Variants in GPT2 observed in about 807,000 individuals in gnomAD.
The protein encoded by GPT2 is alanine aminotransferase 2.
A neutral mutation model predicts 56.9 loss-of-function variants in GPT2; 30 were observed. The ratio of observed to expected loss-of-function variants is 0.53; its 90% CI spans 0.39 to 0.72. GPT2 has a LOEUF of 0.72. Ranked by LOEUF, GPT2 falls within the 30% of genes least tolerant of loss-of-function variation. The pLI is 0.00. For synonymous variants in GPT2, 271 were observed against 283.1 expected, an observed-to-expected ratio of 0.96 and a Z score of 0.43; for missense variants, 542 against 703.4, an observed-to-expected ratio of 0.77 and a Z score of 2.60.
At chr16:46,920,126 G>A (rs1961256539) in intron 8 of GPT2, among the ~76,000 whole-genome samples, 2 of 152,206 alleles carry the variant, frequency 1.3e-5, no homozygotes, top group Non-Finnish European at 2.9e-5. Context: ...GATCGCTTAA[G>A]CCCAGGAGTT....
chr16:46,924,467 C>G lies in GPT2; in HGVS notation c.1291C>G (p.His431Asp). The change falls in exon 10 of 12, where the codon CAC becomes GAC. Residue 431 changes from histidine (H) to aspartate (D), a missense_variant. Physicochemically the swap from His to Asp is moderately conservative, Grantham distance 81 (BLOSUM62 -1). Transcript: ENST00000340124. ...EDLFNQVPGI[H>D]CNPLQGAMYA... is the part of the protein sequence containing the mutation. ...CCTGTTTAACCAAGTCCCAGGAATT[C>G]ACTGCAACCCCTTGCAGGGGGCCAT... 1 of 1,614,214 alleles carries G rather than the reference C, an allele frequency of 6.2e-7. No individual in the cohort carries two copies. Among genetic ancestry groups the G allele is most frequent in the Non-Finnish European group, 8.5e-7 (1 of 1,180,020 alleles).
chr16:46,909,933 C>T lies in GPT2; in HGVS notation c.820+6C>T. The T allele has an allele frequency of 6.3e-7, 1 of 1,589,592 alleles. No homozygotes were observed. The highest frequency in any genetic ancestry group is 8.6e-7 in the Non-Finnish European group (1 of 1,163,544). On this transcript the variant is annotated splice_donor_region_variant and intron_variant, in intron 6 of 11. Transcript: ENST00000340124. The stretch of plus-strand genomic sequence containing the variant: ...CAACCCTGGGAACCCCACAGGTCTG[C>T]ACTTTACTTCCTCACCAGTTTCGTA...
At chr16:46,924,681 T>C in intron 10 of GPT2, 137 bp downstream of exon 10, 1 of 863,872 alleles carries the variant, frequency 1.2e-6, no homozygotes, top group Non-Finnish European at 1.8e-6. Flanking sequence ...GGCCAGAGGG[T>C]GTTGACCGTG....
At chr16:46,915,065 A>C (rs1475100796) in intron 6 of GPT2, among the ~76,000 whole-genome samples, 1 of 152,026 alleles carries the variant, frequency 6.6e-6, no homozygotes, top group African/African-American at 2.4e-5. Context: ...CTACAGCCAT[A>C]AGCCACCACA....
At chr16:46,917,109 A>G (rs1321660163) in intron 7 of GPT2, among the ~76,000 whole-genome samples, 2 of 152,172 alleles carry the variant, frequency 1.3e-5, no homozygotes, top group Non-Finnish European at 2.9e-5. Flanking sequence ...CAGCCTAGAA[A>G]GAGGGCTTTT....
At chr16:46,925,886 T>C (rs1961397184) in intron 10 of GPT2, among the ~76,000 whole-genome samples, 1 of 151,640 alleles carries the variant, frequency 6.6e-6, no homozygotes, top group Non-Finnish European at 1.5e-5. Context: ...GTAATCACTT[T>C]TGGGAGCCCA....
chr16:46,927,070 C>T (rs749111572), intron 11 of GPT2, 33 bp downstream of exon 11: 4 of 1,371,778 alleles, frequency 2.9e-6, no homozygotes, highest in East Asian at 2.3e-5. Context: ...GGGGCTGGTC[C>T]GGGTCTTGTC....
chr16:46,921,412 A>T (rs1328105874), intron 8 of GPT2, among the ~76,000 whole-genome samples: 1 of 152,048 alleles, frequency 6.6e-6, no homozygotes, highest in African/African-American at 2.4e-5. Flanking sequence ...ACCTCAAGTG[A>T]TCCGTCCACC....
rs905504216 is a variant in GPT2 at position 46,884,931 on chromosome 16, C to A, written c.216C>A (p.Ala72=). 6.5e-7 allele frequency: 1 copy of A among 1,528,208 alleles called. No individual in the cohort carries two copies. The allele number at this position is 1,528,208 out of a possible 1,614,324, so 94.7% of individuals were successfully genotyped here. Residue 72 remains alanine (A), a synonymous_variant, in exon 2 of 12, where the codon GCC becomes GCA. Transcript: ENST00000340124. ...TGCGGGGACCCATCGTGCTCAAGGC[C>A]GGCGAGATCGAGCTCGAGCTGCAGC... ...YAVRGPIVLK[A]GEIELELQRG...
rs138722305 is a variant in GPT2 at position 46,916,425 on chromosome 16, C to G, written c.821-203C>G. 276 of 575,020 alleles carry G rather than the reference C, an allele frequency of 4.8e-4. No homozygotes were observed. The East Asian group carries it at 7.0e-3, about 15-fold the overall frequency. The allele number at this position is 575,020 out of a possible 1,614,324, so 35.6% of individuals were successfully genotyped here. ...GCATAACTGGCTGAGGAGAGTCAGA[C>G]ACACAGGCTGCTCTTCTGGGCGTCC... On this transcript the variant is annotated intron_variant, in intron 6 of 11. Transcript: ENST00000340124.
At chr16:46,914,662 C>G (rs1961107935) in intron 6 of GPT2, among the ~76,000 whole-genome samples, 1 of 152,216 alleles carries the variant, frequency 6.6e-6, no homozygotes, top group Non-Finnish European at 1.5e-5. Context: ...GGTGCCCAGG[C>G]CCATTCACTT....
At chr16:46,901,656 G>A (rs576219504) in intron 4 of GPT2, among the ~76,000 whole-genome samples, 12 of 152,334 alleles carry the variant, frequency 7.9e-5, no homozygotes, top group Middle Eastern at 3.4e-3. Context: ...ACAGATTCCC[G>A]TGGCTTGCTC....
intron 4 of GPT2, among the ~76,000 whole-genome samples, chr16:46,905,763 C>G (rs1006699348): frequency 6.6e-6 from 1 of 152,176 alleles, no homozygotes; most frequent in Non-Finnish European, 1.5e-5. Context: ...TTCACACATG[C>G]ACACATCGAT....
intron 6 of GPT2, chr16:46,915,772 C>G (rs150626595): frequency 2.0e-5 from 3 of 149,988 alleles, no homozygotes; most frequent in Admixed American, 6.7e-5. Flanking sequence ...ACCACATACA[C>G]ACACCCCACA....
intron 4 of GPT2, 48 bp from the exon 5 acceptor site, chr16:46,906,794 G>A (rs887063314): frequency 1.2e-6 from 2 of 1,606,310 alleles, no homozygotes; most frequent in African/African-American, 2.7e-5. Flanking sequence ...TTGACCCTGT[G>A]GAGCCAGACA....
At position 46,884,373 on chromosome 16, in the gene GPT2, C is replaced by G. The variant is rs1350083845; in HGVS notation, c.-117C>G. 3 of 182,196 alleles carry G rather than the reference C, an allele frequency of 1.6e-5. No individual in the cohort carries two copies. Among genetic ancestry groups the G allele is most frequent in the African/African-American group, 2.4e-5 (1 of 42,434 alleles). 11.3% of individuals were successfully genotyped at this position (182,196 alleles called of 1,614,324 possible). ...CGCAGGGGCCGGGCGGCGCGGGCGC[C>G]GGGCGCGGGGATGCGGCTGTGGGCG... On this transcript the variant is annotated 5_prime_UTR_variant, in exon 1 of 12. Coordinates refer to ENST00000340124, the MANE Select transcript of GPT2 (RefSeq NM_133443.4).
intron 4 of GPT2, among the ~76,000 whole-genome samples, chr16:46,904,516 A>G (rs1407385371): frequency 6.6e-6 from 1 of 152,240 alleles, no homozygotes; most frequent in African/African-American, 2.4e-5. Flanking sequence ...GACAGACTAG[A>G]AATGAGCCTA....
chr16:46,888,847 C>T (rs1960532666), intron 2 of GPT2, among the ~76,000 whole-genome samples: 1 of 151,764 alleles, frequency 6.6e-6, no homozygotes, highest in Non-Finnish European at 1.5e-5. Flanking sequence ...ACTAGGTCTT[C>T]TTATGTTGCC....
chr16:46,916,708 G>A lies in GPT2; in HGVS notation c.900+1G>A, dbSNP rs1392587721. On this transcript the variant is annotated splice_donor_variant, in intron 7 of 11. Coordinates refer to ENST00000340124, the MANE Select transcript of GPT2 (RefSeq NM_133443.4). LOFTEE classifies it high-confidence loss of function. The stretch of plus-strand genomic sequence containing the variant: ...GAAGCTCTTTCTCCTGGCTGATGAG[G>A]TAAGAATGTCCCCACTCAGAGGGAG... The A allele has an allele frequency of 1.2e-6, 2 of 1,606,720 alleles. No individual in the cohort carries two copies. The highest frequency in any genetic ancestry group is 1.7e-6 in the Non-Finnish European group (2 of 1,173,430).
Sources: allele counts gnomAD v4.1 joint callset (sites outside exome capture counted in the v4.1 genomes callset), GRCh38; gene constraint gnomAD v4.1.1; transcripts MANE v1.5; gene names NCBI Gene and HGNC (gene_info 2026-07-23, HGNC 2026-07-21).